Variants in SYCE2 observed in about 807,000 individuals in gnomAD.
SYCE2 encodes synaptonemal complex central element protein 2.
A neutral mutation model predicts 27.9 loss-of-function variants in SYCE2; 3 were observed. That is an observed-to-expected ratio of 0.11 (90% confidence interval 0.05 to 0.28). The LOEUF is 0.28. SYCE2 is among the 10% of genes least tolerant of loss of function. SYCE2 has a pLI of 1.00. For missense variants in SYCE2, 207 were observed against 263.5 expected, an observed-to-expected ratio of 0.79 and a Z score of 1.48; for synonymous variants, 85 against 100.7, an observed-to-expected ratio of 0.84 and a Z score of 0.93.
intron 2 of SYCE2, among the ~76,000 whole-genome samples, chr19:12,908,449 C>T (rs997415515): frequency 2.6e-5 from 4 of 151,792 alleles, no homozygotes; most frequent in South Asian, 2.1e-4. Context: ...CTCAGCCTCC[C>T]GAGTAGCTGG....
At chr19:12,912,201 G>T (rs958095044) in intron 2 of SYCE2, among the ~76,000 whole-genome samples, 1 of 151,762 alleles carries the variant, frequency 6.6e-6, no homozygotes, top group African/African-American at 2.4e-5. Flanking sequence ...CTCCCAAAGT[G>T]CTGGGATTAC....
At chr19:12,901,207 A>AATAAATAC (rs1221748075) in intron 3 of SYCE2, among the ~76,000 whole-genome samples, 21 of 145,442 alleles carry the variant, frequency 1.4e-4, no homozygotes, top group African/African-American at 2.8e-4. Context: ...TAAATAAATA[A>AATAAATAC]ATACACAAAT....
At chr19:12,908,564 T>TCCTC (rs1970984860) in intron 2 of SYCE2, among the ~76,000 whole-genome samples, 1 of 152,128 alleles carries the variant, frequency 6.6e-6, no homozygotes, top group Non-Finnish European at 1.5e-5. Context: ...GACCTCATGA[T>TCCTC]CTGCCCACCT....
At chr19:12,914,215 G>A (rs2145980852) in intron 2 of SYCE2, 1 of 152,362 alleles carries the variant, frequency 6.6e-6, no homozygotes, top group East Asian at 1.9e-4. Flanking sequence ...ACCACCACAA[G>A]CTGGAAAGCA....
At chr19:12,916,893 G>T (rs1971147735) in intron 2 of SYCE2, among the ~76,000 whole-genome samples, 1 of 151,936 alleles carries the variant, frequency 6.6e-6, no homozygotes, top group South Asian at 2.1e-4. Context: ...AGGACTACAT[G>T]CATGCACCAC....
At chr19:12,914,768 C>T (rs1261069376) in intron 2 of SYCE2, among the ~76,000 whole-genome samples, 1 of 152,198 alleles carries the variant, frequency 6.6e-6, no homozygotes, top group Non-Finnish European at 1.5e-5. Context: ...CACCACCACC[C>T]CTGGCTAATT....
chr19:12,899,033 G>C lies in SYCE2; in HGVS notation c.*308C>G, dbSNP rs982302178. 7 of 427,334 alleles carry C rather than the reference G, an allele frequency of 1.6e-5. No individual in the cohort carries two copies. The highest frequency in any genetic ancestry group is 2.6e-5 in the Non-Finnish European group (6 of 230,022). 26.5% of individuals were successfully genotyped at this position (427,334 alleles called of 1,614,324 possible). ...AGAAAGGGCTTGCTGTGTTTCCTTG[G>C]AGCTCAGGGGTGCTTTCAGCCTCTG... On this transcript the variant is annotated 3_prime_UTR_variant, in exon 6 of 6. Transcript: ENST00000293695.
intron 2 of SYCE2, among the ~76,000 whole-genome samples, chr19:12,913,045 G>C (rs1282060026): frequency 2.0e-5 from 3 of 152,212 alleles, no homozygotes; most frequent in Non-Finnish European, 2.9e-5. Context: ...CCGGTTCCTA[G>C]GCTGGCTTCT....
chr19:12,909,508 T>G (rs1269308814), intron 2 of SYCE2, among the ~76,000 whole-genome samples: 15 of 152,188 alleles, frequency 9.9e-5, no homozygotes, highest in Admixed American at 9.8e-4. Flanking sequence ...TCTCTGTCCC[T>G]CTGCATCCTG....
intron 2 of SYCE2, among the ~76,000 whole-genome samples, chr19:12,908,037 G>A (rs1027161861): frequency 2.6e-5 from 4 of 151,944 alleles, no homozygotes; most frequent in African/African-American, 9.7e-5. Context: ...ACTTGAGCCC[G>A]GGAGGTCAAG....
At chr19:12,918,141 G>T in intron 2 of SYCE2, 81 bp downstream of exon 2, 2 of 1,208,308 alleles carry the variant, frequency 1.7e-6, no homozygotes, top group Non-Finnish European at 2.4e-6. Context: ...AGCAGACACT[G>T]GCATAGCCTT....
intron 2 of SYCE2, among the ~76,000 whole-genome samples, chr19:12,914,389 G>A (rs984383941): frequency 6.6e-6 from 1 of 152,146 alleles, no homozygotes; most frequent in Admixed American, 6.6e-5. Context: ...GAAGAGATGT[G>A]TAGAATTGGC....
intron 2 of SYCE2, among the ~76,000 whole-genome samples, chr19:12,907,296 C>G (rs1970951854): frequency 6.6e-6 from 1 of 152,172 alleles, no homozygotes; most frequent in Non-Finnish European, 1.5e-5. Context: ...GGCTTTGTAC[C>G]CAGAAGGCCT....
chr19:12,918,946 G>C (rs1364342233), intron 1 of SYCE2, among the ~76,000 whole-genome samples: 1 of 100,812 alleles, frequency 9.9e-6, no homozygotes, highest in Non-Finnish European at 2.0e-5. Context: ...GTGATACTTC[G>C]TCTCAAAAAA....
intron 5 of SYCE2, 176 bp from the exon 6 acceptor site, chr19:12,899,561 G>A (rs542254447): frequency 3.0e-5 from 48 of 1,613,872 alleles, no homozygotes; most frequent in East Asian, 1.1e-4. Context: ...TCAGGGGCCC[G>A]AAACTCTCAA....
Position 12,898,903 on chromosome 19 carries a change from G to A in SYCE2, c.*438C>T. 4.7e-6 allele frequency: 1 copy of A among 214,772 alleles called. No homozygotes were observed. Among genetic ancestry groups the A allele is most frequent in the Non-Finnish European group, 9.5e-6 (1 of 105,450 alleles). The allele number at this position is 214,772 out of a possible 1,614,324, so 13.3% of individuals were successfully genotyped here. A position where few individuals can be genotyped will look rare whatever the true frequency, so the allele number is the denominator to read the frequency against. ...AGCAAAGGATGAGACACCAGGGCAT[G>A]GGGTGTGGGATTCTCTGGGAGAGGC... On this transcript the variant is annotated 3_prime_UTR_variant, in exon 6 of 6. Transcript: ENST00000293695.
In SYCE2 at chr19:12,899,841, G is replaced by A. The variant is rs1306949577; in HGVS notation, c.612+163C>T. ...AGGAGAGTGACATGGAAGCAACTCC[G>A]TCTGCTGCAGCTGACCCCCTCACAC... On this transcript the variant is annotated intron_variant, in intron 5 of 5. Transcript: ENST00000293695. 35 of 1,570,406 alleles carry A rather than the reference G, an allele frequency of 2.2e-5. No homozygotes were observed. In the East Asian group the frequency reaches 4.3e-4, roughly 19 times the overall value.
At chr19:12,903,540 C>T (rs907865650) in intron 3 of SYCE2, among the ~76,000 whole-genome samples, 6 of 151,918 alleles carry the variant, frequency 3.9e-5, no homozygotes, top group Non-Finnish European at 8.8e-5. Context: ...GCGCGCACCA[C>T]CATGCCCAGC....
chr19:12,914,443 G>A (rs552970061), intron 2 of SYCE2, among the ~76,000 whole-genome samples: 6 of 151,978 alleles, frequency 3.9e-5, no homozygotes, highest in African/African-American at 1.5e-4. Flanking sequence ...TCATGGCCGG[G>A]AAACATCCTC....
Sources: gnomAD v4.1 joint callset for allele counts (sites outside exome capture counted in the v4.1 genomes callset) on GRCh38, gnomAD v4.1.1 for gene constraint, MANE v1.5 for transcripts, NCBI Gene and HGNC (gene_info 2026-07-23, HGNC 2026-07-21) for gene names.